Variants in BABAM2 observed in about 807,000 individuals in gnomAD.
BABAM2 encodes the protein BRISC and BRCA1-A complex member 2.
Under a neutral mutation model 54.7 loss-of-function variants are expected in BABAM2, and 31 were observed. The observed-to-expected ratio is 0.57, with a 90% CI of 0.43 to 0.77. The LOEUF is 0.77. BABAM2 is among the 30% of genes least tolerant of loss of function. The pLI is 0.00. For synonymous variants in BABAM2, 167 were observed against 162.9 expected, an observed-to-expected ratio of 1.03 and a Z score of -0.19; for missense variants, 364 against 455.8, an observed-to-expected ratio of 0.80 and a Z score of 1.83.
At chr2:28,336,757 G>A (rs930960055) in intron 11 of BABAM2, among the ~76,000 whole-genome samples, 2 of 152,240 alleles carry the variant, frequency 1.3e-5, no homozygotes, top group African/African-American at 4.8e-5. Flanking sequence ...GCGGGCAGCC[G>A]GTGGCACCAG....
At chr2:28,017,967 A>T (rs1674965632) in intron 4 of BABAM2, among the ~76,000 whole-genome samples, 1 of 152,208 alleles carries the variant, frequency 6.6e-6, no homozygotes, top group South Asian at 2.1e-4. Flanking sequence ...TACTATGAAC[A>T]TTTGTGTACA....
intron 10 of BABAM2, among the ~76,000 whole-genome samples, chr2:28,275,182 G>T (rs1030242907): frequency 6.6e-6 from 1 of 152,220 alleles, no homozygotes; most frequent in African/African-American, 2.4e-5. Context: ...ACAGGGAAAG[G>T]TTGTTCACGT....
intron 7 of BABAM2, chr2:28,233,253 T>G (rs1681588320): frequency 2.1e-6 from 1 of 471,094 alleles, no homozygotes; most frequent in Non-Finnish European, 4.4e-6. Context: ...CTCCTCATAA[T>G]TCTTCCCCAG....
intron 6 of BABAM2, among the ~76,000 whole-genome samples, chr2:28,073,503 A>G (rs565581781): frequency 5.3e-5 from 8 of 152,210 alleles, no homozygotes; most frequent in Admixed American, 2.0e-4. Flanking sequence ...GTCTCTAAAT[A>G]ATCAATAAGA....
intron 3 of BABAM2, among the ~76,000 whole-genome samples, chr2:27,953,941 A>G (rs1669918174): frequency 6.6e-6 from 1 of 152,208 alleles, no homozygotes; most frequent in Non-Finnish European, 1.5e-5. Context: ...CTGAGGAGAA[A>G]GAGAAGGAGA....
chr2:28,045,555 C>G (rs1016146898), intron 5 of BABAM2, among the ~76,000 whole-genome samples, 170 bp from the exon 6 acceptor site: 3 of 152,176 alleles, frequency 2.0e-5, no homozygotes, highest in African/African-American at 7.2e-5. Context: ...TTTAAGAACT[C>G]TTTCTGATCC....
rs568198468 is a variant in BABAM2, at chr2:27,948,992, G to A, written c.205+19084G>A. Among the ~76,000 whole-genome samples the A allele has an allele frequency of 2.4e-4, 36 of 152,250 alleles. No homozygotes were observed. The South Asian group carries it at 6.8e-3, about 29-fold the overall frequency. On this transcript the variant is annotated intron_variant, in intron 3 of 11. Transcript: ENST00000379624. The stretch of plus-strand genomic sequence containing the variant: ...AAAATCAGGAATGGTCAGCCACAGT[G>A]TTGTCCTGTGGGGAAGGGAGACAGA...
rs184637812 is a variant in BABAM2 at position 28,119,961 on chromosome 2, C to T, written c.571-9310C>T. ...TAATCATAGAATGGCCCTAACTGTA[C>T]ATTATTACAGGAAGGTTGATATTAC... On this transcript the variant is annotated intron_variant, in intron 6 of 11. Coordinates refer to ENST00000379624, the MANE Select transcript of BABAM2 (RefSeq NM_199191.3). 5.9e-3 allele frequency among the ~76,000 whole-genome samples: 902 copies of T among 152,200 alleles called. 4 individuals are homozygous for T. Among genetic ancestry groups the T allele is most frequent in the Non-Finnish European group, 9.9e-3 (673 of 68,000 alleles).
intron 10 of BABAM2, among the ~76,000 whole-genome samples, chr2:28,278,250 T>C (rs1035078771): frequency 6.6e-6 from 1 of 152,180 alleles, no homozygotes; most frequent in South Asian, 2.1e-4. Flanking sequence ...TTCTCTATTA[T>C]ACTGTAAGTC....
chr2:28,299,922 A>G (rs1687977753), intron 11 of BABAM2, among the ~76,000 whole-genome samples: 1 of 151,762 alleles, frequency 6.6e-6, no homozygotes. Flanking sequence ...AGCAGGCTTG[A>G]TAACTTTTTA....
At position 28,241,297 on chromosome 2, in the gene BABAM2, T is replaced by G. The variant is rs756646871; in HGVS notation, c.781-26T>G. Reference sequence around the variant, plus strand: ...AGCATTTAAAAGATTCCCACTCTACTTCTCAGCTTTGGGTTTCTATTCCAG... The same window carrying G: ...AGCATTTAAAAGATTCCCACTCTACGTCTCAGCTTTGGGTTTCTATTCCAG... On this transcript the variant is annotated intron_variant, in intron 8 of 11. Transcript: ENST00000379624. 4 of 1,603,416 alleles carry G rather than the reference T, an allele frequency of 2.5e-6. No homozygotes were observed. The South Asian group carries it at 4.4e-5, about 18-fold the overall frequency.
chr2:28,238,906 C>G (rs1682160518), intron 8 of BABAM2, among the ~76,000 whole-genome samples: 1 of 152,020 alleles, frequency 6.6e-6, no homozygotes, highest in Non-Finnish European at 1.5e-5. Flanking sequence ...TATCTGGTTT[C>G]CTTTCATTAA....
intron 7 of BABAM2, among the ~76,000 whole-genome samples, chr2:28,190,531 A>G (rs1465540596): frequency 1.3e-5 from 2 of 152,204 alleles, no homozygotes; most frequent in Non-Finnish European, 2.9e-5. Flanking sequence ...TACTAAAAAT[A>G]CAAAAATTAG....
At chr2:28,144,147 A>G (rs1671300824) in intron 7 of BABAM2, among the ~76,000 whole-genome samples, 2 of 152,204 alleles carry the variant, frequency 1.3e-5, no homozygotes, top group African/African-American at 4.8e-5. Flanking sequence ...AGATGAGAGA[A>G]TGTGTTTAAG....
chr2:27,909,827 G>A (rs1399423234), intron 2 of BABAM2, among the ~76,000 whole-genome samples: 1 of 152,188 alleles, frequency 6.6e-6, no homozygotes, highest in Admixed American at 6.5e-5. Context: ...TATGATTATG[G>A]TAGTAGTGTA....
At chr2:27,906,344 T>C (rs1333266026) in intron 2 of BABAM2, among the ~76,000 whole-genome samples, 1 of 152,196 alleles carries the variant, frequency 6.6e-6, no homozygotes, top group African/African-American at 2.4e-5. Context: ...TCCCAGCCCA[T>C]ATTCTTTTCT....
chr2:28,135,595 A>G (rs1443083088), intron 7 of BABAM2, among the ~76,000 whole-genome samples: 1 of 152,160 alleles, frequency 6.6e-6, no homozygotes, highest in Non-Finnish European at 1.5e-5. Context: ...CTGTGTGTTC[A>G]GTTGACACCT....
At chr2:28,236,472 T>C (rs1360824711) in intron 7 of BABAM2, among the ~76,000 whole-genome samples, 1 of 151,832 alleles carries the variant, frequency 6.6e-6, no homozygotes, top group African/African-American at 2.4e-5. Context: ...CAAGCAATTC[T>C]CATGCCTCAG....
intron 6 of BABAM2, among the ~76,000 whole-genome samples, chr2:28,048,150 A>C (rs1397715561): frequency 6.6e-6 from 1 of 152,230 alleles, no homozygotes; most frequent in African/African-American, 2.4e-5. Context: ...ATAAAAGGGA[A>C]GGTAGAACTT....
Sources: gnomAD v4.1 joint callset for allele counts (sites outside exome capture counted in the v4.1 genomes callset) on GRCh38, gnomAD v4.1.1 for gene constraint, MANE v1.5 for transcripts, NCBI Gene and HGNC (gene_info 2026-07-23, HGNC 2026-07-21) for gene names.